The following FBXO11 variants were observed in gnomAD, a reference collection of about 807,000 sequenced individuals.
The protein encoded by FBXO11 is F-box protein 11.
In FBXO11, 13 loss-of-function variants were observed where a neutral mutation model predicts 117.0. The ratio of observed to expected loss-of-function variants is 0.11; its 90% CI spans 0.07 to 0.18. The LOEUF (loss-of-function observed/expected upper bound fraction) is 0.18. FBXO11 is among the 10% of genes least tolerant of loss of function. The pLI is 1.00. For synonymous variants in FBXO11, 490 were observed against 380.5 expected (o/e 1.29, Z -3.35); for missense variants, 767 against 1,164.4 (o/e 0.66, Z 4.97).
chr2:47,812,614 G>A (rs1368084334), intron 18 of FBXO11, among the ~76,000 whole-genome samples: 1 of 152,192 alleles, frequency 6.6e-6, no homozygotes, highest in Non-Finnish European at 1.5e-5. Context: ...GCATGTTAGA[G>A]TAATAACTAG....
chr2:47,819,241 G>C (rs543350981), intron 14 of FBXO11, among the ~76,000 whole-genome samples, 163 bp from the exon 15 acceptor site: 8 of 152,122 alleles, frequency 5.3e-5, no homozygotes, highest in African/African-American at 1.2e-4. Flanking sequence ...TTTTGAAATG[G>C]AGTCTCGCTC....
At chr2:47,858,994 G>C (rs1361585832) in intron 1 of FBXO11, among the ~76,000 whole-genome samples, 1 of 144,758 alleles carries the variant, frequency 6.9e-6, no homozygotes, top group Non-Finnish European at 1.5e-5. Context: ...AGCAGAGATC[G>C]CGCCACTCTG....
chr2:47,899,533 C>G (rs755488026), intron 1 of FBXO11, among the ~76,000 whole-genome samples: 5 of 152,122 alleles, frequency 3.3e-5, no homozygotes, highest in Non-Finnish European at 5.9e-5. Flanking sequence ...AAGTAAGGCT[C>G]AGAGAGGTAA....
intron 1 of FBXO11, among the ~76,000 whole-genome samples, chr2:47,845,218 T>C (rs1673315454): frequency 8.2e-6 from 1 of 121,572 alleles, no homozygotes; most frequent in Admixed American, 1.2e-4. Flanking sequence ...AAGTAAGGAA[T>C]TCAGAGGTCC....
chr2:47,894,888 C>A (rs1677542306), intron 1 of FBXO11, among the ~76,000 whole-genome samples: 1 of 152,110 alleles, frequency 6.6e-6, no homozygotes, highest in South Asian at 2.1e-4. Flanking sequence ...CAGTCTCCTC[C>A]TCTGTTTTTT....
chr2:47,851,855 A>C (rs940261484), intron 1 of FBXO11, among the ~76,000 whole-genome samples: 1 of 152,260 alleles, frequency 6.6e-6, no homozygotes, highest in Non-Finnish European at 1.5e-5. Flanking sequence ...TATTCTTATA[A>C]GCATTAAATC....
chr2:47,808,184 T>G lies in FBXO11; in HGVS notation c.2718A>C (p.Thr906=), dbSNP rs533101051. 6.8e-6 allele frequency: 11 copies of G among 1,613,572 alleles called. No individual in the cohort carries two copies. The African/African-American group carries it at 1.2e-4, about 18-fold the overall frequency. ...AGTCATATAGTGTATCTGTATCATG[T>G]GTAGGCTCACCAGCTAATGTACAAG... ...SNPCTLAGEP[T]HDTDTLYDSA... The change falls in exon 23 of 23, where the codon ACA becomes ACC. Residue 906 remains threonine (T), a synonymous_variant. Transcript: ENST00000403359.
intron 1 of FBXO11, among the ~76,000 whole-genome samples, chr2:47,894,470 A>C (rs1045516031): frequency 6.6e-6 from 1 of 152,224 alleles, no homozygotes; most frequent in Admixed American, 6.5e-5. Context: ...AAAATTACTT[A>C]TCACCACTTC....
chr2:47,859,254 C>T (rs1674567635), intron 1 of FBXO11, among the ~76,000 whole-genome samples: 3 of 151,728 alleles, frequency 2.0e-5, no homozygotes, highest in South Asian at 2.1e-4. Context: ...ATAAAATGTA[C>T]CCAACTAATC....
intron 4 of FBXO11, 109 bp from the exon 5 acceptor site, chr2:47,836,110 G>C (rs530028203): frequency 5.9e-6 from 4 of 672,888 alleles, no homozygotes; most frequent in Non-Finnish European, 9.3e-6. Flanking sequence ...GAGTAAGAAA[G>C]TAAGAATAGA....
rs779510637 is a variant in FBXO11 at position 47,900,575 on chromosome 2, TAC to T, written c.232+4912_232+4913del. Among the ~76,000 whole-genome samples, 211 of 139,038 alleles carry T rather than the reference TAC, an allele frequency of 1.5e-3. 8 individuals are homozygous for T. Among genetic ancestry groups the T allele is most frequent in the Non-Finnish European group, 2.3e-3 (144 of 62,222 alleles). The allele number at this position is 139,038 out of a possible 152,430, so 91.2% of individuals were successfully genotyped here. The stretch of plus-strand genomic sequence containing the variant: ...ATATACACGTATATATACACACGTA[TAC>T]ACACATATATACGTATATACACACG... On this transcript the variant is annotated intron_variant, in intron 1 of 22. Coordinates refer to ENST00000403359, the MANE Select transcript of FBXO11 (RefSeq NM_001190274.2).
In FBXO11 at chr2:47,901,030, T is replaced by G. The variant is rs185413460; in HGVS notation, c.232+4459A>C. Among the ~76,000 whole-genome samples, 331 of 139,322 alleles carry G rather than the reference T, an allele frequency of 2.4e-3. 1 individual carries two copies. The highest frequency in any genetic ancestry group is 9.5e-3 in the South Asian group (42 of 4,414). The allele number at this position is 139,322 out of a possible 152,430, so 91.4% of individuals were successfully genotyped here. ...AGATATATATATTTATGTATATATA[T>G]ACACACGTGTGTACATATATACACA... On this transcript the variant is annotated intron_variant, in intron 1 of 22. Coordinates refer to ENST00000403359, the MANE Select transcript of FBXO11 (RefSeq NM_001190274.2).
In FBXO11 at chr2:47,813,111, G is replaced by C. The variant is rs768268213; in HGVS notation, c.2227+123C>G. The C allele has an allele frequency of 1.2e-5, 12 of 1,023,482 alleles. No individual in the cohort carries two copies. In the East Asian group the frequency reaches 2.9e-4, roughly 25 times the overall value. The allele number at this position is 1,023,482 out of a possible 1,614,324, so 63.4% of individuals were successfully genotyped here. On this transcript the variant is annotated intron_variant, in intron 18 of 22. Coordinates refer to ENST00000403359, the MANE Select transcript of FBXO11 (RefSeq NM_001190274.2). ...CTAATCTCCTAAACCAGTTCAACTT[G>C]ATAAGGAAAAAGACTTGAGATTCAC...
chr2:47,823,083 G>T, intron 12 of FBXO11, 60 bp downstream of exon 12: 4 of 1,240,026 alleles, frequency 3.2e-6, no homozygotes, highest in African/African-American at 1.5e-5. Flanking sequence ...TCAATATCTT[G>T]ACTTTTAAGC....
chr2:47,901,844 A>T (rs1044569039), intron 1 of FBXO11, among the ~76,000 whole-genome samples: 2 of 152,230 alleles, frequency 1.3e-5, no homozygotes, highest in East Asian at 3.8e-4. Context: ...CTCCTTCTAG[A>T]ATTTTAAAAC....
At chr2:47,884,265 G>C (rs936474384) in intron 1 of FBXO11, among the ~76,000 whole-genome samples, 2 of 152,036 alleles carry the variant, frequency 1.3e-5, no homozygotes, top group Non-Finnish European at 2.9e-5. Flanking sequence ...AGAAAAGCTG[G>C]TTCCTGTACA....
At chr2:47,824,818 G>C (rs1671630372) in intron 11 of FBXO11, among the ~76,000 whole-genome samples, 1 of 152,016 alleles carries the variant, frequency 6.6e-6, no homozygotes, top group South Asian at 2.1e-4. Flanking sequence ...TAATGATAAT[G>C]GAAGTTACCA....
chr2:47,882,824 T>C (rs566233861), intron 1 of FBXO11, among the ~76,000 whole-genome samples: 1 of 152,260 alleles, frequency 6.6e-6, no homozygotes, highest in South Asian at 2.1e-4. Context: ...GCTAATTTTG[T>C]ACTTTTTTAG....
At chr2:47,825,434 G>C (rs1671678699) in intron 11 of FBXO11, among the ~76,000 whole-genome samples, 1 of 151,946 alleles carries the variant, frequency 6.6e-6, no homozygotes, top group Admixed American at 6.6e-5. Context: ...AAAGAGGCTA[G>C]ACAAAGAGAA....
Sources: allele counts gnomAD v4.1 joint callset (sites outside exome capture counted in the v4.1 genomes callset), GRCh38; gene constraint gnomAD v4.1.1; transcripts MANE v1.5; gene names NCBI Gene and HGNC (gene_info 2026-07-23, HGNC 2026-07-21).